The following L3MBTL4 variants were observed in gnomAD, a reference collection of about 807,000 sequenced individuals.
The protein encoded by L3MBTL4 is L3MBTL histone methyl-lysine binding protein 4.
In L3MBTL4, 70 loss-of-function variants were observed where a neutral mutation model predicts 84.5. The ratio of observed to expected loss-of-function variants is 0.83; its 90% CI spans 0.68 to 1.01. The LOEUF (loss-of-function observed/expected upper bound fraction) is 1.01, where lower values mean the gene tolerates loss of function less well. L3MBTL4 is among the 50% of genes least tolerant of loss of function. The probability of loss-of-function intolerance (pLI) is 0.00; values close to 1 mark genes in which losing one functional copy is unlikely to be tolerated. For missense variants in L3MBTL4, 715 were observed against 754.8 expected, an observed-to-expected ratio of 0.95 and a Z score of 0.62; for synonymous variants, 274 against 259.8, an observed-to-expected ratio of 1.05 and a Z score of -0.52.
At chr18:6,211,898 C>T (rs1293028708) in intron 12 of L3MBTL4, among the ~76,000 whole-genome samples, 2 of 152,228 alleles carry the variant, frequency 1.3e-5, no homozygotes, top group African/African-American at 2.4e-5. Flanking sequence ...ATACGCCCGC[C>T]TCAGCCTCCC....
intron 1 of L3MBTL4, among the ~76,000 whole-genome samples, chr18:6,390,177 CAT>C (rs2054987770): frequency 6.6e-6 from 1 of 151,878 alleles, no homozygotes; most frequent in African/African-American, 2.4e-5. Flanking sequence ...TATATATATA[CAT>C]ATACACACAC....
chr18:6,222,665 A>G (rs965198233), intron 10 of L3MBTL4, among the ~76,000 whole-genome samples: 2 of 152,278 alleles, frequency 1.3e-5, no homozygotes, highest in East Asian at 3.9e-4. Flanking sequence ...ACACTCTATT[A>G]CAGACCTAGC....
intron 16 of L3MBTL4, among the ~76,000 whole-genome samples, chr18:5,970,381 A>G (rs1255551266): frequency 1.3e-5 from 2 of 152,232 alleles, no homozygotes; most frequent in Non-Finnish European, 2.9e-5. Flanking sequence ...TCAGCCCCAC[A>G]CTTATCAACA....
rs577833136 is a variant in L3MBTL4 at position 6,306,037 on chromosome 18, C to T, written c.73-4080G>A. On this transcript the variant is annotated intron_variant, in intron 3 of 18. Transcript: ENST00000317931. The stretch of plus-strand genomic sequence containing the variant: ...TCTGAGAACCCTGCTGTTCTTGTTC[C>T]ATAAGAACCTGCTATCTGTGCCCCA... Among the ~76,000 whole-genome samples the T allele has an allele frequency of 4.6e-5, 7 of 152,268 alleles. No homozygotes were observed. In the South Asian group the frequency reaches 1.5e-3, roughly 32 times the overall value.
chr18:6,163,298 T>G (rs997062750), intron 13 of L3MBTL4, among the ~76,000 whole-genome samples: 1 of 126,050 alleles, frequency 7.9e-6, no homozygotes, highest in African/African-American at 4.0e-5. Flanking sequence ...TGTGTGTGTG[T>G]GTGTGTGTGG....
chr18:6,011,223 G>C (rs1413002657), intron 16 of L3MBTL4, among the ~76,000 whole-genome samples: 1 of 152,136 alleles, frequency 6.6e-6, no homozygotes, highest in South Asian at 2.1e-4. Flanking sequence ...TTTAATGCTG[G>C]CTGAAAATAC....
chr18:6,005,089 A>C (rs1379179168), intron 16 of L3MBTL4, among the ~76,000 whole-genome samples: 1 of 137,556 alleles, frequency 7.3e-6, no homozygotes, highest in African/African-American at 2.7e-5. Flanking sequence ...CACACCCGTA[A>C]TCCTAGCACT....
chr18:6,242,844 G>C (rs912252853), intron 7 of L3MBTL4, among the ~76,000 whole-genome samples: 1 of 152,100 alleles, frequency 6.6e-6, no homozygotes, highest in Non-Finnish European at 1.5e-5. Context: ...CATTCCCATC[G>C]AAAGAAAATA....
At chr18:6,350,013 G>A (rs1422748052) in intron 1 of L3MBTL4, among the ~76,000 whole-genome samples, 1 of 152,166 alleles carries the variant, frequency 6.6e-6, no homozygotes, top group African/African-American at 2.4e-5. Flanking sequence ...GCTTACTTAA[G>A]TTTGAGTCCA....
chr18:6,243,202 G>A, intron 7 of L3MBTL4, 92 bp downstream of exon 7: 1 of 1,164,222 alleles, frequency 8.6e-7, no homozygotes. Flanking sequence ...TCCACACCAG[G>A]ATCTCTTCTT....
At chr18:6,404,282 CT>C (rs1340801206) in intron 1 of L3MBTL4, among the ~76,000 whole-genome samples, 1 of 152,194 alleles carries the variant, frequency 6.6e-6, no homozygotes, top group Non-Finnish European at 1.5e-5. Context: ...GTTGGAACCC[CT>C]GATCCACAGA....
intron 14 of L3MBTL4, among the ~76,000 whole-genome samples, chr18:6,110,947 C>T (rs964083421): frequency 2.6e-5 from 4 of 152,092 alleles, no homozygotes; most frequent in Non-Finnish European, 5.9e-5. Flanking sequence ...TAAATGGTTC[C>T]TTTCCTCCTT....
At chr18:5,966,025 A>G (rs2052337596) in intron 17 of L3MBTL4, among the ~76,000 whole-genome samples, 1 of 152,162 alleles carries the variant, frequency 6.6e-6, no homozygotes, top group African/African-American at 2.4e-5. Flanking sequence ...ACCTGTACCC[A>G]CAACAGAGAA....
At chr18:6,401,909 C>T (rs928694789) in intron 1 of L3MBTL4, among the ~76,000 whole-genome samples, 6 of 152,200 alleles carry the variant, frequency 3.9e-5, no homozygotes, top group East Asian at 1.9e-4. Context: ...ATCAAGGGGC[C>T]GCTGTGACCT....
At chr18:6,134,014 G>C (rs936337791) in intron 14 of L3MBTL4, among the ~76,000 whole-genome samples, 23 of 152,136 alleles carry the variant, frequency 1.5e-4, no homozygotes, top group African/African-American at 5.6e-4. Context: ...AGACATACCC[G>C]AGACTGGGAA....
intron 14 of L3MBTL4, among the ~76,000 whole-genome samples, chr18:6,122,926 G>C (rs1370601710): frequency 1.3e-5 from 2 of 152,174 alleles, no homozygotes; most frequent in Non-Finnish European, 2.9e-5. Context: ...CCATTTTAAT[G>C]CACATTACAG....
chr18:6,011,782 G>C (rs2054751783), intron 16 of L3MBTL4, among the ~76,000 whole-genome samples: 1 of 152,194 alleles, frequency 6.6e-6, no homozygotes, highest in Non-Finnish European at 1.5e-5. Flanking sequence ...TAGACATGGA[G>C]GACAGAGGCC....
At chr18:6,162,469 G>A (rs1239580307) in intron 13 of L3MBTL4, among the ~76,000 whole-genome samples, 2 of 152,186 alleles carry the variant, frequency 1.3e-5, no homozygotes, top group Non-Finnish European at 2.9e-5. Flanking sequence ...TTGGCCAGCT[G>A]ACTTTATTCA....
rs1328485898 is a variant in L3MBTL4 at position 6,414,616 on chromosome 18, G to T, written c.-91+185C>A. On this transcript the variant is annotated intron_variant, in intron 1 of 18. Transcript: ENST00000317931. This position sits in a 1 kb window ranked among gnomAD's most constrained non-coding sequence, Gnocchi z 5.4. ...GCGCCCCGGCGGCGAAAGAGAAAGA[G>T]AAAGAGCCTGGGCCGGGACCGGGGC... The T allele has an allele frequency of 6.6e-6, 1 of 152,114 alleles. No individual in the cohort carries two copies. Among genetic ancestry groups the T allele is most frequent in the Non-Finnish European group, 1.5e-5 (1 of 68,074 alleles). The allele number at this position is 152,114 out of a possible 1,614,324, so 9.4% of individuals were successfully genotyped here.
Sources: gnomAD v4.1 joint callset for allele counts (sites outside exome capture counted in the v4.1 genomes callset) on GRCh38, gnomAD v4.1.1 for gene constraint, Gnocchi (gnomAD v3.1) non-coding constraint, MANE v1.5 for transcripts, NCBI Gene and HGNC (gene_info 2026-07-23, HGNC 2026-07-21) for gene names.